Variants in TDO2 observed in about 807,000 individuals in gnomAD.
TDO2 encodes tryptamin 2,3-dioxygenase.
In TDO2, 63 loss-of-function variants were observed where a neutral mutation model predicts 61.2. The observed-to-expected ratio is 1.03, with a 90% CI of 0.84 to 1.27. The LOEUF is 1.27. Among genes scored for constraint, TDO2 ranks in the 50% most tolerant of loss-of-function variants. The probability of loss-of-function intolerance (pLI) is 0.00; values close to 1 mark genes in which losing one functional copy is unlikely to be tolerated. For missense variants in TDO2, 494 were observed against 469.5 expected (o/e 1.05, Z -0.48); for synonymous variants, 183 against 164.0 (o/e 1.12, Z -0.89).
rs762188494 is a variant in TDO2 at position 155,919,946 on chromosome 4, G to C, written c.1177G>C (p.Glu393Gln). The C allele has an allele frequency of 3.1e-6, 5 of 1,613,684 alleles. No homozygotes were observed. Among genetic ancestry groups the C allele is most frequent in the Non-Finnish European group, 4.2e-6 (5 of 1,179,762 alleles). ...PTIHKFLYTA[E>Q]YCDSSYFSSD... ...CATTCACAAATTTCTATATACAGCA[G>C]AATACTGTGATAGCTCCTACTTCAG... Residue 393 changes from glutamate to glutamine, a missense_variant, in exon 12 of 12, where the codon GAA (glutamate) becomes CAA (glutamine). Glu to Gln is a conservative substitution (Grantham distance 29). Coordinates refer to ENST00000536354, the MANE Select transcript of TDO2 (RefSeq NM_005651.4).
intron 5 of TDO2, 93 bp downstream of exon 5, chr4:155,909,107 G>T: frequency 7.6e-7 from 1 of 1,323,442 alleles, no homozygotes; most frequent in South Asian, 1.6e-5. Context: ...GTGCCATGAG[G>T]AGCCTGTCTT....
At chr4:155,909,728 G>A (rs756785360) in intron 5 of TDO2, among the ~76,000 whole-genome samples, 7 of 151,870 alleles carry the variant, frequency 4.6e-5, no homozygotes, top group African/African-American at 9.7e-5. Flanking sequence ...AGACAGTTGT[G>A]TGTATCTGCT....
At chr4:155,918,694 C>G (rs879653826) in intron 11 of TDO2, 1 of 157,852 alleles carries the variant, frequency 6.3e-6, no homozygotes, top group Admixed American at 6.1e-5. Flanking sequence ...GAGAGTGCCC[C>G]TTTTAAAGTG....
chr4:155,913,097 G>C (rs1316794867), intron 7 of TDO2, among the ~76,000 whole-genome samples: 1 of 151,946 alleles, frequency 6.6e-6, no homozygotes, highest in Non-Finnish European at 1.5e-5. Context: ...TTTTTCACCT[G>C]GACTATAATA....
At position 155,907,704 on chromosome 4, in the gene TDO2, A is replaced by G. The variant is rs777442641; in HGVS notation, c.233-18A>G. The G allele has an allele frequency of 3.1e-6, 5 of 1,596,864 alleles. No individual in the cohort carries two copies. The highest frequency in any genetic ancestry group is 4.3e-6 in the Non-Finnish European group (5 of 1,169,670). ...GGCTCCCATAACTTTCCAACTGACAATGATTTCCTTATTACAGCTTATGAA... is the reference window on the plus strand; with the variant it reads ...GGCTCCCATAACTTTCCAACTGACAGTGATTTCCTTATTACAGCTTATGAA... On this transcript the variant is annotated intron_variant, in intron 3 of 11. Transcript: ENST00000536354.
chr4:155,919,832 TCCAGTGATAG>T lies in TDO2; in HGVS notation c.1068-4_1073del. 1 of 1,592,886 alleles carries T rather than the reference TCCAGTGATAG, an allele frequency of 6.3e-7. No homozygotes were observed. The highest frequency in any genetic ancestry group is 1.3e-5 in the African/African-American group (1 of 74,210). The stretch of plus-strand genomic sequence containing the variant: ...TGTAACACATCTTCATGTATGTTTT[TCCAGTGATAG>T]GTACAAGGTATTTGTAGATTTATTT... On this transcript the variant is annotated splice_acceptor_variant and splice_polypyrimidine_tract_variant and coding_sequence_variant and intron_variant, in exon 12 of 12. Transcript: ENST00000536354. LOFTEE classifies it high-confidence loss of function.
chr4:155,903,991 T>G, intron 1 of TDO2, 27 bp from the exon 2 acceptor site: 4 of 1,596,476 alleles, frequency 2.5e-6, no homozygotes, highest in Non-Finnish European at 3.4e-6. Context: ...AGCACTATTT[T>G]TCCCTCTTGA....
At chr4:155,912,616 C>A (rs1326825475) in intron 7 of TDO2, among the ~76,000 whole-genome samples, 1 of 151,998 alleles carries the variant, frequency 6.6e-6, no homozygotes, top group Non-Finnish European at 1.5e-5. Context: ...TCTCTCAGAC[C>A]AATAAATGGT....
At position 155,911,491 on chromosome 4, in the gene TDO2, T is replaced by C. The variant is rs769169470; in HGVS notation, c.619-6T>C. 2 of 1,602,554 alleles carry C rather than the reference T, an allele frequency of 1.2e-6. No individual in the cohort carries two copies. Among genetic ancestry groups the C allele is most frequent in the Middle Eastern group, 1.7e-4 (1 of 6,022 alleles). ...GTACTCACTTAAAAAATAATGTTTA[T>C]TTAAGGCATGGCTGGAAAGAACTCC... On this transcript the variant is annotated splice_region_variant and splice_polypyrimidine_tract_variant and intron_variant, in intron 6 of 11. Coordinates refer to ENST00000536354, the MANE Select transcript of TDO2 (RefSeq NM_005651.4).
intron 8 of TDO2, 68 bp from the exon 9 acceptor site, chr4:155,915,787 C>A: frequency 7.4e-7 from 1 of 1,354,248 alleles, no homozygotes; most frequent in East Asian, 2.5e-5. Flanking sequence ...TTTAAGATGA[C>A]GATGCCAAAT....
chr4:155,904,778 AGTTTTCAT>A (rs1236895536), intron 2 of TDO2, among the ~76,000 whole-genome samples: 2 of 152,172 alleles, frequency 1.3e-5, no homozygotes, highest in African/African-American at 2.4e-5. Flanking sequence ...CAAGTTTTCA[AGTTTTCAT>A]CATATTCATT....
At position 155,918,251 on chromosome 4, in the gene TDO2, A is replaced by G; in HGVS notation, c.1067+12A>G. On this transcript the variant is annotated intron_variant, in intron 11 of 11. Transcript: ENST00000536354. ...CGATCAACTGTGAGGTAGGTGGGGA[A>G]ATTCTCCTTTCTTCCTGGTGGCAGT... 3.1e-6 allele frequency: 5 copies of G among 1,613,204 alleles called. No homozygotes were observed. The highest frequency in any genetic ancestry group is 2.5e-6 in the Non-Finnish European group (3 of 1,179,372).
Position 155,915,902 on chromosome 4 carries a change from T to C in TDO2, c.886T>C (p.Tyr296His), listed in dbSNP as rs1370803251. The change falls in exon 9 of 12, where the codon TAT becomes CAT. Residue 296 changes from tyrosine (Y) to histidine (H), a missense_variant. Tyr to His is a moderately conservative substitution (Grantham distance 83). Transcript: ENST00000536354. ...YRALQGALMI[Y>H]FYREEPRFQV... Reference sequence around the variant, plus strand: ...AGCACTTCAGGGAGCATTGATGATATATTTTTACAGGTAAAGCAAATCCGA... The same window carrying C: ...AGCACTTCAGGGAGCATTGATGATACATTTTTACAGGTAAAGCAAATCCGA... 6.2e-7 allele frequency: 1 copy of C among 1,608,258 alleles called. No homozygotes were observed. Among genetic ancestry groups the C allele is most frequent in the Admixed American group, 1.7e-5 (1 of 58,870 alleles).
In TDO2 at chr4:155,914,429, G is replaced by A. The variant is rs1231358430; in HGVS notation, c.833G>A (p.Ser278Asn). 1 of 1,579,008 alleles carries A rather than the reference G, an allele frequency of 6.3e-7. No homozygotes were observed. The highest frequency in any genetic ancestry group is 2.0e-5 in the Admixed American group (1 of 49,204). ...FDEKRHEHLL[S>N]KGERRLSYRA... ...GAGAAACGTCATGAACATCTCCTTA[G>A]TAAAGGCAGGTATTTTTACTTTATG... Residue 278 changes from serine to asparagine, a missense_variant, in exon 8 of 12, where the codon AGT becomes AAT. Transcript: ENST00000536354.
At chr4:155,914,935 T>C (rs1468800291) in intron 8 of TDO2, among the ~76,000 whole-genome samples, 1 of 152,210 alleles carries the variant, frequency 6.6e-6, no homozygotes, top group Non-Finnish European at 1.5e-5. Flanking sequence ...TTTAGTTATT[T>C]GGATTTATCA....
At chr4:155,908,197 T>C (rs1175257253) in intron 4 of TDO2, among the ~76,000 whole-genome samples, 3 of 146,986 alleles carry the variant, frequency 2.0e-5, no homozygotes, top group African/African-American at 7.6e-5. Context: ...AGAGAAAGAG[T>C]GGTGGGAGGA....
At chr4:155,904,679 C>T (rs1742685718) in intron 2 of TDO2, among the ~76,000 whole-genome samples, 1 of 151,906 alleles carries the variant, frequency 6.6e-6, no homozygotes. Context: ...CGGTGAGTTT[C>T]TAAGGATTAA....
At chr4:155,905,411 T>C (rs1167547516) in intron 3 of TDO2, 3 of 344,812 alleles carry the variant, frequency 8.7e-6, no homozygotes, top group Non-Finnish European at 1.6e-5. Flanking sequence ...GGGGACTTTC[T>C]GCCTCTTGGA....
intron 10 of TDO2, 99 bp downstream of exon 10, chr4:155,917,573 T>TC (rs1389574780): frequency 1.6e-5 from 16 of 971,010 alleles, no homozygotes; most frequent in Middle Eastern, 2.2e-4. Context: ...TTTCTCTCTT[T>TC]CCCCCTCCTT....
Sources: allele counts gnomAD v4.1 joint callset (sites outside exome capture counted in the v4.1 genomes callset), GRCh38; gene constraint gnomAD v4.1.1; transcripts MANE v1.5; gene names NCBI Gene and HGNC (gene_info 2026-07-23, HGNC 2026-07-21).